BMPR2: variants seen among roughly 807,000 people sequenced by gnomAD.
BMPR2 encodes bone morphogenetic protein receptor type-2.
In BMPR2, 29 loss-of-function variants were observed where a neutral mutation model predicts 100.8. That is an observed-to-expected ratio of 0.29 (90% confidence interval 0.21 to 0.39). BMPR2 has a LOEUF of 0.39. BMPR2 is among the 10% of genes least tolerant of loss of function. The probability of loss-of-function intolerance (pLI) is 1.00; values close to 1 mark genes in which losing one functional copy is unlikely to be tolerated. For synonymous variants in BMPR2, 382 were observed against 442.3 expected (o/e 0.86, Z 1.71); for missense variants, 1,011 against 1,274.5 (o/e 0.79, Z 3.15).
chr2:202,395,885 T>C (rs1690647955), intron 1 of BMPR2, among the ~76,000 whole-genome samples: 1 of 151,964 alleles, frequency 6.6e-6, no homozygotes, highest in South Asian at 2.1e-4. Flanking sequence ...TGCAGTGAGC[T>C]GAGATTGCAC....
At chr2:202,536,870 C>CAA (rs34999694) in intron 9 of BMPR2, among the ~76,000 whole-genome samples, 16,692 of 83,956 alleles carry the variant, frequency 0.2, 1,472 homozygotes, top group Non-Finnish European at 0.26. Flanking sequence ...AACTCGGTCT[C>CAA]AAAAAAAAAA....
intron 1 of BMPR2, among the ~76,000 whole-genome samples, chr2:202,401,572 A>G (rs1690769556): frequency 6.6e-6 from 1 of 152,214 alleles, no homozygotes; most frequent in Non-Finnish European, 1.5e-5. Flanking sequence ...ATACATATGT[A>G]ATACTTAGTC....
intron 1 of BMPR2, among the ~76,000 whole-genome samples, chr2:202,448,371 C>T (rs535953795): frequency 9.4e-5 from 14 of 149,212 alleles, no homozygotes; most frequent in African/African-American, 2.7e-4. Flanking sequence ...GGCGTGAACC[C>T]GGGAGGCGGA....
At chr2:202,531,289 T>A (rs939951148) in intron 8 of BMPR2, among the ~76,000 whole-genome samples, 11 of 152,110 alleles carry the variant, frequency 7.2e-5, no homozygotes, top group Admixed American at 7.2e-4. Flanking sequence ...GGTGACAGAG[T>A]GAGTGAGACT....
intron 5 of BMPR2, 108 bp from the exon 6 acceptor site, chr2:202,518,714 A>G: frequency 1.1e-6 from 1 of 927,870 alleles, no homozygotes; most frequent in Non-Finnish European, 1.7e-6. Flanking sequence ...AATAAACTGT[A>G]AGCAACAGAG....
chr2:202,423,057 T>G (rs1024757350), intron 1 of BMPR2, among the ~76,000 whole-genome samples: 3 of 152,208 alleles, frequency 2.0e-5, no homozygotes, highest in Non-Finnish European at 2.9e-5. Flanking sequence ...GATCAGATGA[T>G]GACCCAAGGA....
rs918792048 is a variant in BMPR2, at chr2:202,548,744, T to A, written c.1414-3972T>A. ...TTAGTGTTAATAATGCCACTCCCTT[T>A]AACTTATTTACACAAGCATTAAGGT... is the stretch of plus-strand genomic sequence containing the variant. On this transcript the variant is annotated intron_variant, in intron 10 of 12. Coordinates refer to ENST00000374580, the MANE Select transcript of BMPR2 (RefSeq NM_001204.7). Among the ~76,000 whole-genome samples, 143 of 152,308 alleles carry A rather than the reference T, an allele frequency of 9.4e-4. 1 individual carries two copies. The highest frequency in any genetic ancestry group is 3.2e-3 in the African/African-American group (135 of 41,570).
intron 11 of BMPR2, among the ~76,000 whole-genome samples, chr2:202,554,020 C>G (rs1688523643): frequency 6.6e-6 from 1 of 152,142 alleles, no homozygotes; most frequent in Non-Finnish European, 1.5e-5. Context: ...TTTGTGAAAG[C>G]TATTTGTATT....
At chr2:202,394,765 A>AT (rs1037429248) in intron 1 of BMPR2, among the ~76,000 whole-genome samples, 6 of 152,086 alleles carry the variant, frequency 3.9e-5, no homozygotes, top group South Asian at 4.1e-4. Context: ...AAAAATATAG[A>AT]TTTTTTCATA....
chr2:202,416,659 C>T (rs962447340), intron 1 of BMPR2, among the ~76,000 whole-genome samples: 1 of 151,162 alleles, frequency 6.6e-6, no homozygotes, highest in African/African-American at 2.4e-5. Context: ...GTCTTGACCT[C>T]GTGATCCGCC....
At chr2:202,510,942 G>C (rs960047315) in intron 3 of BMPR2, among the ~76,000 whole-genome samples, 1 of 149,846 alleles carries the variant, frequency 6.7e-6, no homozygotes, top group Non-Finnish European at 1.5e-5. Context: ...GCCTCCCAAC[G>C]TGTTGGGATG....
At chr2:202,491,746 A>T (rs1231296716) in intron 3 of BMPR2, among the ~76,000 whole-genome samples, 1 of 152,168 alleles carries the variant, frequency 6.6e-6, no homozygotes, top group African/African-American at 2.4e-5. Flanking sequence ...ATTGCTGACT[A>T]CTGCCTCTAG....
chr2:202,543,194 A>ATATATATATATTTATATACATATATATT (rs1398560684), intron 10 of BMPR2, among the ~76,000 whole-genome samples: 14,162 of 130,536 alleles, frequency 0.11, 1,300 homozygotes, highest in African/African-American at 0.15. Flanking sequence ...AAAAAAGCAT[A>ATATATATATATTTATATACATATATATT]TATATATATA....
Position 202,495,431 on chromosome 2 carries a change from C to T in BMPR2, c.419-18288C>T, listed in dbSNP as rs1693003654. ...TGCGGGTGCCTATCGTTGTGCTCTT[C>T]TGCTGGCGTGCTCCTCTCGACGACC... On this transcript the variant is annotated intron_variant, in intron 3 of 12. Transcript: ENST00000374580. The surrounding 1 kb of genome is among the most constrained non-coding windows in gnomAD (Gnocchi z 4.5). Among the ~76,000 whole-genome samples the T allele has an allele frequency of 6.6e-6, 1 of 152,188 alleles. No homozygotes were observed. The highest frequency in any genetic ancestry group is 2.4e-5 in the African/African-American group (1 of 41,448).
At chr2:202,424,718 T>C (rs1691351554) in intron 1 of BMPR2, among the ~76,000 whole-genome samples, 1 of 151,904 alleles carries the variant, frequency 6.6e-6, no homozygotes, top group Admixed American at 6.6e-5. Context: ...AAAAATAAGC[T>C]GTGGACCTAA....
At chr2:202,378,937 T>C (rs777678448) in intron 1 of BMPR2, among the ~76,000 whole-genome samples, 2 of 152,222 alleles carry the variant, frequency 1.3e-5, no homozygotes, top group Non-Finnish European at 2.9e-5. Context: ...TTAACCTTTT[T>C]AGAATATAGA....
chr2:202,406,302 G>A (rs990173035), intron 1 of BMPR2, among the ~76,000 whole-genome samples: 6 of 152,186 alleles, frequency 3.9e-5, no homozygotes, highest in African/African-American at 1.4e-4. Context: ...TTGGGGCTGT[G>A]AGCAACCCCC....
intron 3 of BMPR2, among the ~76,000 whole-genome samples, chr2:202,513,417 G>C (rs1687657868): frequency 6.6e-6 from 1 of 152,118 alleles, no homozygotes; most frequent in Non-Finnish European, 1.5e-5. Flanking sequence ...TAGATTCTAA[G>C]ACTCTTGATA....
At chr2:202,463,222 G>A (rs1352891742) in intron 1 of BMPR2, among the ~76,000 whole-genome samples, 3 of 152,056 alleles carry the variant, frequency 2.0e-5, no homozygotes, top group Non-Finnish European at 2.9e-5. Context: ...GGGCAACATC[G>A]GAATAGACAA....
Sources: gnomAD v4.1 joint callset for allele counts (sites outside exome capture counted in the v4.1 genomes callset) on GRCh38, gnomAD v4.1.1 for gene constraint, Gnocchi (gnomAD v3.1) non-coding constraint, MANE v1.5 for transcripts, NCBI Gene and HGNC (gene_info 2026-07-23, HGNC 2026-07-21) for gene names.